DRAM1: variants seen among roughly 807,000 people sequenced by gnomAD.
The protein encoded by DRAM1 is DNA damage regulated autophagy modulator 1.
In DRAM1, 25 loss-of-function variants were observed where a neutral mutation model predicts 28.5. The ratio of observed to expected loss-of-function variants is 0.88; its 90% CI spans 0.64 to 1.23. DRAM1 has a LOEUF of 1.23. DRAM1 is among the 50% of genes most tolerant of loss of function. The probability of loss-of-function intolerance (pLI) is 0.00; values close to 1 mark genes in which losing one functional copy is unlikely to be tolerated. For synonymous variants in DRAM1, 113 were observed against 114.2 expected, an observed-to-expected ratio of 0.99 and a Z score of 0.07; for missense variants, 249 against 299.2, an observed-to-expected ratio of 0.83 and a Z score of 1.24.
intron 1 of DRAM1, among the ~76,000 whole-genome samples, chr12:101,890,968 C>G (rs1202163250): frequency 6.6e-6 from 1 of 151,960 alleles, no homozygotes; most frequent in African/African-American, 2.4e-5. Context: ...CCAGGATGGT[C>G]TCGATCTCTT....
In DRAM1 at chr12:101,877,647, C is replaced by T. The variant is rs1872531116; in HGVS notation, c.-143C>T. On this transcript the variant is annotated 5_prime_UTR_variant, in exon 1 of 7. Transcript: ENST00000258534. The surrounding 1 kb of genome is among the most constrained non-coding windows in gnomAD (Gnocchi z 4.1). ...CCTCGCGCTTCCCCTCCCTCCGGGG[C>T]TGGGCCTGCCCCGGCCGTCGCGGAG... The T allele has an allele frequency of 2.0e-6, 1 of 508,432 alleles. No individual in the cohort carries two copies. Among genetic ancestry groups the T allele is most frequent in the East Asian group, 4.4e-5 (1 of 22,682 alleles). The allele number at this position is 508,432 out of a possible 1,614,324, so 31.5% of individuals were successfully genotyped here.
intron 2 of DRAM1, among the ~76,000 whole-genome samples, chr12:101,898,252 G>T (rs1263076159): frequency 1.3e-5 from 2 of 152,040 alleles, no homozygotes; most frequent in Non-Finnish European, 2.9e-5. Flanking sequence ...GAGCTCCCGG[G>T]CTTCAGTGAT....
At position 101,911,409 on chromosome 12, in the gene DRAM1, A is replaced by G. The variant is rs140891762; in HGVS notation, c.521-2765A>G. The stretch of plus-strand genomic sequence containing the variant: ...TATCTGTCTTGCACCGGGCTTCTAA[A>G]GCTTCTGAAAGCCTTCGCAGAACTC... On this transcript the variant is annotated intron_variant, in intron 4 of 6. Coordinates refer to ENST00000258534, the MANE Select transcript of DRAM1 (RefSeq NM_018370.3). 3.9e-3 allele frequency among the ~76,000 whole-genome samples: 594 copies of G among 152,274 alleles called. 3 individuals carry two copies. Among genetic ancestry groups the G allele is most frequent in the African/African-American group, 0.014 (565 of 41,546 alleles).
chr12:101,911,520 C>T, intron 4 of DRAM1, among the ~76,000 whole-genome samples: 1 of 152,192 alleles, frequency 6.6e-6, no homozygotes, highest in East Asian at 1.9e-4. Context: ...TAGGGCTTCT[C>T]CCTCAGGCTT....
intron 5 of DRAM1, among the ~76,000 whole-genome samples, chr12:101,919,103 G>A (rs988469691): frequency 3.3e-5 from 5 of 151,332 alleles, no homozygotes; most frequent in African/African-American, 7.3e-5. Flanking sequence ...TTTTTGTCTC[G>A]TTATGTTGCC....
Position 101,921,365 on chromosome 12 carries a change from C to T in DRAM1, c.*105C>T. ...GGCCACCCTGATTATTGGGATGCAT[C>T]TGCAGCACATCCAGGACTTGAATTT... is the stretch of plus-strand genomic sequence containing the variant. On this transcript the variant is annotated 3_prime_UTR_variant, in exon 7 of 7. Coordinates refer to ENST00000258534, the MANE Select transcript of DRAM1 (RefSeq NM_018370.3). 1.2e-6 allele frequency: 1 copy of T among 818,336 alleles called. No homozygotes were observed. Among genetic ancestry groups the T allele is most frequent in the Non-Finnish European group, 2.1e-6 (1 of 471,238 alleles). The allele number at this position is 818,336 out of a possible 1,614,324, so 50.7% of individuals were successfully genotyped here. A position where few individuals can be genotyped will look rare whatever the true frequency, so the allele number is the denominator to read the frequency against.
At chr12:101,903,953 ACACACACACC>A (rs147770037) in intron 3 of DRAM1, among the ~76,000 whole-genome samples, 3,906 of 148,258 alleles carry the variant, frequency 0.026, 182 homozygotes, top group African/African-American at 0.096. Context: ...ACACACACAC[ACACACACACC>A]CCTATAAGCC....
chr12:101,908,509 A>T (rs528553926), intron 4 of DRAM1, 146 bp downstream of exon 4: 3 of 797,084 alleles, frequency 3.8e-6, no homozygotes, highest in East Asian at 5.3e-5. Flanking sequence ...TGAATACAGC[A>T]TTGGCAAGTG....
Position 101,914,238 on chromosome 12 carries a change from A to C in DRAM1, c.579+6A>C, listed in dbSNP as rs1289151127. On this transcript the variant is annotated splice_donor_region_variant and intron_variant, in intron 5 of 6. Coordinates refer to ENST00000258534, the MANE Select transcript of DRAM1 (RefSeq NM_018370.3). ...AGTGGAATCCAAGAGAAAAGGTAACATTTAAGTTGTTGTGAATGTGGTTGT... is the reference window on the plus strand; with the variant it reads ...AGTGGAATCCAAGAGAAAAGGTAACCTTTAAGTTGTTGTGAATGTGGTTGT... The C allele has an allele frequency of 8.1e-6, 13 of 1,605,406 alleles. No individual in the cohort carries two copies. The highest frequency in any genetic ancestry group is 1.1e-5 in the Non-Finnish European group (13 of 1,176,506).
chr12:101,901,472 A>G (rs772745588), intron 3 of DRAM1, 39 bp downstream of exon 3: 39 of 1,608,214 alleles, frequency 2.4e-5, no homozygotes, highest in Non-Finnish European at 3.1e-5. Context: ...GGAGTGGTGG[A>G]GTGTATGTGT....
At chr12:101,896,353 A>G (rs1873374171) in intron 1 of DRAM1, among the ~76,000 whole-genome samples, 1 of 152,234 alleles carries the variant, frequency 6.6e-6, no homozygotes, top group Admixed American at 6.5e-5. Flanking sequence ...AGCTGTTTAC[A>G]AATGTAGAAA....
At chr12:101,888,447 G>A (rs555557213) in intron 1 of DRAM1, among the ~76,000 whole-genome samples, 17 of 152,034 alleles carry the variant, frequency 1.1e-4, no homozygotes, top group Non-Finnish European at 2.2e-4. Flanking sequence ...TATTATTTTT[G>A]AGATGATCAT....
intron 4 of DRAM1, among the ~76,000 whole-genome samples, chr12:101,910,756 G>A (rs999764825): frequency 2.6e-5 from 4 of 151,964 alleles, no homozygotes; most frequent in African/African-American, 9.7e-5. Flanking sequence ...TGGGATTACA[G>A]GTGTGAGCCA....
chr12:101,884,513 T>G (rs1872811986), intron 1 of DRAM1, among the ~76,000 whole-genome samples: 1 of 152,240 alleles, frequency 6.6e-6, no homozygotes, highest in Non-Finnish European at 1.5e-5. Flanking sequence ...CTTTTTGGCA[T>G]GTGTCTCCTG....
rs973503827 is a variant in DRAM1, at chr12:101,908,210, G to T, written c.367G>T (p.Asp123Tyr). The T allele has an allele frequency of 6.2e-7, 1 of 1,611,998 alleles. No homozygotes were observed. Among genetic ancestry groups the T allele is most frequent in the Non-Finnish European group, 8.5e-7 (1 of 1,179,394 alleles). ...GGAGTTAGCTGTGCCAGTGGTTCAT[G>T]ACGGGGGCGCTCTTTTGGCCTTTGT... ...FQELAVPVVH[D>Y]GGALLAFVCG... is the part of the protein sequence containing the mutation. The change falls in exon 4 of 7, where the codon GAC becomes TAC. Residue 123 changes from aspartate (D) to tyrosine (Y), a missense_variant. Physicochemically the swap from Asp to Tyr is radical, Grantham distance 160. Coordinates refer to ENST00000258534, the MANE Select transcript of DRAM1 (RefSeq NM_018370.3).
At position 101,921,223 on chromosome 12, in the gene DRAM1, C is replaced by A; in HGVS notation, c.680C>A (p.Thr227Asn). 1.2e-6 allele frequency: 2 copies of A among 1,602,484 alleles called. No homozygotes were observed. Among genetic ancestry groups the A allele is most frequent in the Non-Finnish European group, 1.7e-6 (2 of 1,169,486 alleles). ...TTTCATTTTTAAAAATAGAGTGTCA[C>A]CCTAAGGATATCCACAGAAATCAAT... Reference protein sequence around the residue: ...LTFIQDFQSVTLRISTEINGD... With the variant: ...LTFIQDFQSVNLRISTEINGD... Residue 227 changes from threonine (T) to asparagine (N), a missense_variant, in exon 7 of 7, where the codon ACC becomes AAC. Thr to Asn is a moderately conservative substitution (Grantham distance 65, BLOSUM62 0). Around this residue, in one of 3 missense-constraint regions of DRAM1, gnomAD observed 16 missense variants for 16.2 expected, o/e 0.99. Transcript: ENST00000258534.
chr12:101,898,493 C>T (rs761447863), intron 2 of DRAM1, among the ~76,000 whole-genome samples: 10 of 148,092 alleles, frequency 6.8e-5, no homozygotes, highest in African/African-American at 1.1e-4. Context: ...ACTTCTGGAA[C>T]GGATTTTAAG....
intron 1 of DRAM1, among the ~76,000 whole-genome samples, chr12:101,893,925 A>ATTTT (rs1566123349): frequency 1.3e-5 from 2 of 150,244 alleles, no homozygotes; most frequent in African/African-American, 4.9e-5. Context: ...TTTTTTTTTA[A>ATTTT]AATTAATTAA....
chr12:101,920,354 G>A (rs1272692854), intron 6 of DRAM1, among the ~76,000 whole-genome samples, 153 bp downstream of exon 6: 2 of 68,064 alleles, frequency 2.9e-5, no homozygotes, highest in Non-Finnish European at 5.2e-5. Context: ...GCCGGACTGC[G>A]GACTGCAGTG....
Sources: allele counts gnomAD v4.1 joint callset (sites outside exome capture counted in the v4.1 genomes callset), GRCh38; gene constraint gnomAD v4.1.1; regional missense constraint gnomAD v4.1.1; non-coding constraint Gnocchi (gnomAD v3.1); transcripts MANE v1.5; gene names NCBI Gene and HGNC (gene_info 2026-07-23, HGNC 2026-07-21).